Variants in PPP1R13B observed in about 807,000 individuals in gnomAD.
The protein encoded by PPP1R13B is apoptosis-stimulating of p53 protein 1.
PPP1R13B carries 44 observed loss-of-function variants against 119.8 expected under a neutral mutation model. The ratio of observed to expected loss-of-function variants is 0.37; its 90% CI spans 0.29 to 0.47. The LOEUF is 0.47. Ranked by LOEUF, PPP1R13B falls within the 20% of genes least tolerant of loss-of-function variation. PPP1R13B has a pLI of 0.99. For missense variants in PPP1R13B, 1,227 were observed against 1,413.5 expected, an observed-to-expected ratio of 0.87 and a Z score of 2.12; for synonymous variants, 542 against 561.5, an observed-to-expected ratio of 0.97 and a Z score of 0.49.
intron 4 of PPP1R13B, among the ~76,000 whole-genome samples, chr14:103,760,927 C>T (rs1044135868): frequency 6.6e-6 from 1 of 152,134 alleles, no homozygotes; most frequent in African/African-American, 2.4e-5. Flanking sequence ...AGCTGGCTTA[C>T]AAAATTTTTA....
At chr14:103,845,532 T>G (rs754688695) in intron 1 of PPP1R13B, among the ~76,000 whole-genome samples, 3 of 152,126 alleles carry the variant, frequency 2.0e-5, no homozygotes, top group Non-Finnish European at 4.4e-5. Context: ...AATTCCCAGC[T>G]AAACAAACCT....
chr14:103,800,592 T>C (rs1476095862), intron 1 of PPP1R13B, among the ~76,000 whole-genome samples: 2 of 151,170 alleles, frequency 1.3e-5, no homozygotes, highest in East Asian at 2.0e-4. Flanking sequence ...GGGGCAGAGG[T>C]TGCAATGAGC....
chr14:103,736,118 G>C lies in PPP1R13B; in HGVS notation c.3116C>G (p.Ser1039Cys). The C allele has an allele frequency of 6.2e-7, 1 of 1,614,216 alleles. No homozygotes were observed. The highest frequency in any genetic ancestry group is 2.2e-5 in the East Asian group (1 of 44,888). The change falls in exon 16 of 17, where the codon TCC (serine) becomes TGC (cysteine). Residue 1039 changes from serine (S) to cysteine (C), a missense_variant. Transcript: ENST00000202556. ...GGTGAGGGCGTCCCCTTCGTGGAAGGACAGCTCGTCACTGTTCTGGGCCTC... is the reference window on the plus strand; with the variant it reads ...GGTGAGGGCGTCCCCTTCGTGGAAGCACAGCTCGTCACTGTTCTGGGCCTC... ...DYEAQNSDELSFHEGDALTIL... is the reference protein window; with the variant it reads ...DYEAQNSDELCFHEGDALTIL...
At chr14:103,841,296 AT>A (rs1190286341) in intron 1 of PPP1R13B, among the ~76,000 whole-genome samples, 3 of 151,768 alleles carry the variant, frequency 2.0e-5, no homozygotes, top group Non-Finnish European at 4.4e-5. Flanking sequence ...AAAAAAAAAA[AT>A]TTTTTTTAGG....
chr14:103,844,199 G>C (rs778527283), intron 1 of PPP1R13B, among the ~76,000 whole-genome samples: 5 of 151,924 alleles, frequency 3.3e-5, no homozygotes, highest in Non-Finnish European at 5.9e-5. Flanking sequence ...CCTAGGAGGC[G>C]GAGGTCGCCG....
intron 4 of PPP1R13B, among the ~76,000 whole-genome samples, chr14:103,766,830 C>T (rs1163865102): frequency 1.3e-5 from 2 of 152,196 alleles, no homozygotes; most frequent in African/African-American, 4.8e-5. Context: ...TGGTCTCGAT[C>T]TCTTGACCTC....
intron 8 of PPP1R13B, among the ~76,000 whole-genome samples, chr14:103,747,572 T>C (rs1260883379): frequency 6.6e-6 from 1 of 152,124 alleles, no homozygotes; most frequent in Non-Finnish European, 1.5e-5. Context: ...TTTGGTTACA[T>C]GAGTAAGTTA....
intron 4 of PPP1R13B, among the ~76,000 whole-genome samples, chr14:103,767,455 T>C (rs2084963342): frequency 6.6e-6 from 1 of 152,092 alleles, no homozygotes; most frequent in Non-Finnish European, 1.5e-5. Flanking sequence ...TTCCAGGAGT[T>C]GTGACACCAT....
At chr14:103,816,477 G>A (rs888602258) in intron 1 of PPP1R13B, among the ~76,000 whole-genome samples, 1 of 151,272 alleles carries the variant, frequency 6.6e-6, no homozygotes, top group Middle Eastern at 3.4e-3. Context: ...AGCTGAGGTC[G>A]GGAGTTCGAA....
intron 5 of PPP1R13B, among the ~76,000 whole-genome samples, chr14:103,755,491 T>C (rs1176834258): frequency 1.3e-5 from 2 of 152,174 alleles, no homozygotes; most frequent in African/African-American, 4.8e-5. Context: ...CATTCTTCAA[T>C]AGGGTTTTCC....
At chr14:103,768,453 C>T (rs893360836) in intron 4 of PPP1R13B, among the ~76,000 whole-genome samples, 1 of 152,164 alleles carries the variant, frequency 6.6e-6, no homozygotes, top group Non-Finnish European at 1.5e-5. Context: ...TGCGCCACCA[C>T]GCCCGGCTAA....
At chr14:103,744,196 G>C (rs2084331400) in intron 9 of PPP1R13B, among the ~76,000 whole-genome samples, 1 of 152,202 alleles carries the variant, frequency 6.6e-6, no homozygotes, top group African/African-American at 2.4e-5. Flanking sequence ...CCATAGTGGG[G>C]ACTAAAAAGC....
chr14:103,778,214 A>C (rs112529631), intron 4 of PPP1R13B, among the ~76,000 whole-genome samples: 1 of 123,930 alleles, frequency 8.1e-6, no homozygotes, highest in African/African-American at 3.4e-5. Flanking sequence ...TCGGCCTCCC[A>C]AAATGCTGGG....
intron 1 of PPP1R13B, among the ~76,000 whole-genome samples, chr14:103,800,348 TTTG>T (rs934387339): frequency 6.6e-6 from 1 of 151,306 alleles, no homozygotes; most frequent in Admixed American, 6.6e-5. Flanking sequence ...ATGATTTTAG[TTTG>T]TTGTTAAGAT....
intron 2 of PPP1R13B, among the ~76,000 whole-genome samples, chr14:103,789,767 G>A (rs2085569770): frequency 6.6e-6 from 1 of 151,966 alleles, no homozygotes; most frequent in African/African-American, 2.4e-5. Context: ...ACCCACCTCG[G>A]CCTCCCAAAG....
intron 1 of PPP1R13B, among the ~76,000 whole-genome samples, chr14:103,829,070 A>C (rs1268419581): frequency 6.6e-6 from 1 of 152,244 alleles, no homozygotes; most frequent in Non-Finnish European, 1.5e-5. Context: ...AAAACCATGA[A>C]GTCTCCCCAG....
intron 7 of PPP1R13B, among the ~76,000 whole-genome samples, chr14:103,750,362 A>T (rs1429417456): frequency 6.6e-6 from 1 of 152,230 alleles, no homozygotes; most frequent in African/African-American, 2.4e-5. Flanking sequence ...AAGCACCTTT[A>T]CATCATTTTA....
At chr14:103,830,576 C>G (rs780469456) in intron 1 of PPP1R13B, among the ~76,000 whole-genome samples, 3 of 152,182 alleles carry the variant, frequency 2.0e-5, no homozygotes, top group African/African-American at 7.2e-5. Context: ...ATAGTCTGTT[C>G]CAAAATCTGT....
chr14:103,790,335 TAA>T, intron 2 of PPP1R13B, among the ~76,000 whole-genome samples: 2 of 152,240 alleles, frequency 1.3e-5, no homozygotes, highest in Non-Finnish European at 2.9e-5. Context: ...ACCAAAAACG[TAA>T]ACAATCTGCT....
Sources: allele counts gnomAD v4.1 joint callset (sites outside exome capture counted in the v4.1 genomes callset), GRCh38; gene constraint gnomAD v4.1.1; transcripts MANE v1.5; gene names NCBI Gene and HGNC (gene_info 2026-07-23, HGNC 2026-07-21).